The following CHST8 variants were observed in gnomAD, a reference collection of about 807,000 sequenced individuals.
CHST8 encodes the protein carbohydrate sulfotransferase 8, also known as GALNAC-4-ST1.
A neutral mutation model predicts 15.0 loss-of-function variants in CHST8; 10 were observed. That is an observed-to-expected ratio of 0.67 (90% CI 0.41 to 1.13). CHST8 has a LOEUF of 1.13. Among genes scored for constraint, CHST8 ranks in the 50% most tolerant of loss-of-function variants. The pLI is 0.00. For missense variants in CHST8, 634 were observed against 608.2 expected, an observed-to-expected ratio of 1.04 and a Z score of -0.45; for synonymous variants, 259 against 256.6, an observed-to-expected ratio of 1.01 and a Z score of -0.09.
intron 3 of CHST8, among the ~76,000 whole-genome samples, chr19:33,761,095 G>T (rs1224646196): frequency 6.6e-6 from 1 of 152,246 alleles, no homozygotes; most frequent in Non-Finnish European, 1.5e-5. Context: ...AGCAGAGACA[G>T]GGCAAGCCAG....
chr19:33,771,860 G>C, intron 4 of CHST8, 97 bp from the exon 5 acceptor site: 1 of 1,401,384 alleles, frequency 7.1e-7, no homozygotes, highest in Admixed American at 2.3e-5. Context: ...CACCTGAGAG[G>C]GACAGGAACC....
chr19:33,747,371 CT>C (rs896687320), intron 3 of CHST8, among the ~76,000 whole-genome samples: 7 of 152,206 alleles, frequency 4.6e-5, no homozygotes, highest in Non-Finnish European at 7.3e-5. Flanking sequence ...CACCTTCCCC[CT>C]GGAGTTGGCC....
intron 3 of CHST8, among the ~76,000 whole-genome samples, chr19:33,742,825 T>C (rs918035295): frequency 6.6e-6 from 1 of 152,144 alleles, no homozygotes; most frequent in Non-Finnish European, 1.5e-5. Context: ...TACACCAACA[T>C]TGCTACTCAG....
At chr19:33,757,506 GA>G (rs1974605476) in intron 3 of CHST8, among the ~76,000 whole-genome samples, 1 of 47,042 alleles carries the variant, frequency 2.1e-5, no homozygotes, top group Non-Finnish European at 4.2e-5. Flanking sequence ...AAGAAAGAAA[GA>G]AAGAAAGAAA....
At chr19:33,770,084 C>T (rs285694) in intron 3 of CHST8, among the ~76,000 whole-genome samples, 4 of 151,966 alleles carry the variant, frequency 2.6e-5, no homozygotes, top group Non-Finnish European at 5.9e-5. Flanking sequence ...CTCAGCCTTA[C>T]ATTGTCTGGG....
chr19:33,664,391 C>T lies in CHST8; in HGVS notation c.-163-3376C>T, dbSNP rs959462944. Reference sequence around the variant, plus strand: ...TGCTGATGCGCTGCACCCACTAACTCGTCATCTAGCATTAGGTATATCTCC... The same window carrying T: ...TGCTGATGCGCTGCACCCACTAACTTGTCATCTAGCATTAGGTATATCTCC... On this transcript the variant is annotated intron_variant, in intron 1 of 4. Coordinates refer to ENST00000650847, the MANE Select transcript of CHST8 (RefSeq NM_001127895.2). Among the ~76,000 whole-genome samples, 5 of 149,768 alleles carry T rather than the reference C, an allele frequency of 3.3e-5. No homozygotes were observed. The East Asian group carries it at 7.9e-4, about 24-fold the overall frequency.
intron 3 of CHST8, among the ~76,000 whole-genome samples, chr19:33,691,213 G>A (rs892278759): frequency 7.9e-5 from 12 of 152,176 alleles, no homozygotes; most frequent in Admixed American, 7.2e-4. Flanking sequence ...CCCAGGGGAC[G>A]GCTGGGATTT....
chr19:33,687,733 G>A (rs1006195691), intron 2 of CHST8, among the ~76,000 whole-genome samples: 19 of 152,206 alleles, frequency 1.2e-4, no homozygotes, highest in African/African-American at 3.6e-4. Context: ...CCATCTGGTC[G>A]TGGGGAGTCG....
chr19:33,732,350 G>A (rs1974011893), intron 3 of CHST8, among the ~76,000 whole-genome samples: 1 of 152,046 alleles, frequency 6.6e-6, no homozygotes, highest in Non-Finnish European at 1.5e-5. Context: ...ACCACCTGGA[G>A]TTAGCACCAG....
chr19:33,635,614 G>A (rs1026927606), intron 1 of CHST8, among the ~76,000 whole-genome samples: 3 of 152,094 alleles, frequency 2.0e-5, no homozygotes, highest in Non-Finnish European at 2.9e-5. Flanking sequence ...ATGGGTGGGG[G>A]GGTGACAACA....
At chr19:33,676,894 A>G (rs1044752230) in intron 2 of CHST8, among the ~76,000 whole-genome samples, 2 of 152,044 alleles carry the variant, frequency 1.3e-5, no homozygotes, top group African/African-American at 4.8e-5. Flanking sequence ...AGAAAAAAAA[A>G]AAAAGAAATC....
chr19:33,742,907 A>G (rs931532587), intron 3 of CHST8, among the ~76,000 whole-genome samples: 6 of 151,574 alleles, frequency 4.0e-5, no homozygotes, highest in East Asian at 1.9e-4. Flanking sequence ...TTACAATCCT[A>G]TTGTCCCCCA....
At chr19:33,633,747 C>T (rs904422771) in intron 1 of CHST8, among the ~76,000 whole-genome samples, 3 of 150,108 alleles carry the variant, frequency 2.0e-5, no homozygotes, top group African/African-American at 7.4e-5. Context: ...CCCCAGGGTG[C>T]AGGTACTGTT....
chr19:33,630,069 C>T (rs1163658076), intron 1 of CHST8, among the ~76,000 whole-genome samples: 1 of 152,196 alleles, frequency 6.6e-6, no homozygotes, highest in Non-Finnish European at 1.5e-5. Flanking sequence ...TGGGGGCTGA[C>T]TCATCTCTTG....
intron 2 of CHST8, among the ~76,000 whole-genome samples, chr19:33,681,649 G>A (rs777898396): frequency 6.6e-6 from 1 of 152,156 alleles, no homozygotes; most frequent in African/African-American, 2.4e-5. Flanking sequence ...CAAGACATTT[G>A]TCTCACACCA....
intron 1 of CHST8, among the ~76,000 whole-genome samples, chr19:33,639,479 G>A (rs964334917): frequency 6.6e-6 from 1 of 152,184 alleles, no homozygotes; most frequent in African/African-American, 2.4e-5. Flanking sequence ...CCTGATGCAC[G>A]CAGCAAGTCA....
At chr19:33,749,835 G>T (rs1439737809) in intron 3 of CHST8, among the ~76,000 whole-genome samples, 1 of 152,224 alleles carries the variant, frequency 6.6e-6, no homozygotes, top group African/African-American at 2.4e-5. Context: ...TATGTCACGT[G>T]CTGTGCGCTG....
At chr19:33,730,305 T>G (rs144376516) in intron 3 of CHST8, among the ~76,000 whole-genome samples, 1 of 152,220 alleles carries the variant, frequency 6.6e-6, no homozygotes, top group African/African-American at 2.4e-5. Flanking sequence ...GGAAGCAAGG[T>G]TGAAGCAGGG....
intron 3 of CHST8, among the ~76,000 whole-genome samples, chr19:33,762,607 C>T (rs1340236151): frequency 6.6e-6 from 1 of 152,248 alleles, no homozygotes; most frequent in Non-Finnish European, 1.5e-5. Context: ...AGGAGCTGCG[C>T]TGCGGGAGAT....
Sources: allele counts gnomAD v4.1 joint callset (sites outside exome capture counted in the v4.1 genomes callset), GRCh38; gene constraint gnomAD v4.1.1; transcripts MANE v1.5; gene names NCBI Gene and HGNC (gene_info 2026-07-23, HGNC 2026-07-21).